The following EDNRB variants were observed in gnomAD, a reference collection of about 807,000 sequenced individuals.
EDNRB encodes Hirschsprung disease 2.
A neutral mutation model predicts 46.4 loss-of-function variants in EDNRB; 18 were observed. That is an observed-to-expected ratio of 0.39 (90% CI 0.27 to 0.57). EDNRB has a LOEUF of 0.57. EDNRB is among the 20% of genes least tolerant of loss of function. EDNRB has a pLI of 0.61. For missense variants in EDNRB, 434 were observed against 537.5 expected (o/e 0.81, Z 1.90); for synonymous variants, 213 against 204.9 (o/e 1.04, Z -0.34).
At chr13:77,901,456 A>C (rs900616869) in intron 3 of EDNRB, among the ~76,000 whole-genome samples, 1 of 152,036 alleles carries the variant, frequency 6.6e-6, no homozygotes, top group Non-Finnish European at 1.5e-5. Context: ...ACAAAAACTT[A>C]AGTAGTTAGG....
chr13:77,966,519 A>T (rs1881586898), intron 1 of EDNRB, among the ~76,000 whole-genome samples: 2 of 152,224 alleles, frequency 1.3e-5, no homozygotes, highest in South Asian at 4.1e-4. Context: ...CTTTAATGAC[A>T]AAACATGCTT....
chr13:77,963,386 T>C (rs1417924001), intron 1 of EDNRB, among the ~76,000 whole-genome samples: 1 of 152,200 alleles, frequency 6.6e-6, no homozygotes, highest in African/African-American at 2.4e-5. Flanking sequence ...AAGGCTACAG[T>C]AACCAAAACA....
intron 1 of EDNRB, among the ~76,000 whole-genome samples, chr13:77,946,755 A>G (rs1176531488): frequency 6.6e-6 from 1 of 152,230 alleles, no homozygotes; most frequent in Admixed American, 6.5e-5. Context: ...TGTGGAAGAC[A>G]AGGGAAATAC....
intron 1 of EDNRB, among the ~76,000 whole-genome samples, chr13:77,953,554 A>G (rs139042139): frequency 4.6e-5 from 7 of 152,274 alleles, no homozygotes; most frequent in East Asian, 1.9e-4. Flanking sequence ...GCTTTCTACT[A>G]TCTGTTGGGT....
chr13:77,935,573 A>T lies in EDNRB; in HGVS notation c.-51-16949T>A, dbSNP rs960019847. Among the ~76,000 whole-genome samples the T allele has an allele frequency of 2.0e-5, 3 of 152,192 alleles. No homozygotes were observed. The South Asian group carries it at 6.2e-4, about 32-fold the overall frequency. On this transcript the variant is annotated intron_variant, in intron 1 of 7. Coordinates refer to the EDNRB transcript ENST00000646948. ...TGTAGAAGGTGTTGGGGTTTGAGAG[A>T]TCAGTCAGACACAATAGGCAGGGAG... is the stretch of plus-strand genomic sequence containing the variant.
chr13:77,943,513 T>C (rs1594388739), intron 1 of EDNRB, among the ~76,000 whole-genome samples: 1 of 152,142 alleles, frequency 6.6e-6, no homozygotes, highest in Admixed American at 6.5e-5. Flanking sequence ...TAAGTACTAC[T>C]GCTTCTGATT....
intron 1 of EDNRB, among the ~76,000 whole-genome samples, chr13:77,929,709 G>A (rs1880335679): frequency 6.6e-6 from 1 of 152,162 alleles, no homozygotes; most frequent in South Asian, 2.1e-4. Context: ...CCTTTTGCAA[G>A]GAAAGGAGTC....
chr13:77,946,230 G>A (rs1199826853), intron 1 of EDNRB, among the ~76,000 whole-genome samples: 1 of 152,158 alleles, frequency 6.6e-6, no homozygotes, highest in Non-Finnish European at 1.5e-5. Flanking sequence ...CCTAGGATAA[G>A]CTACACCTAT....
At position 77,896,337 on chromosome 13, in the gene EDNRB, T is replaced by A. The variant is rs200985166; in HGVS notation, c.*1863A>T. On this transcript the variant is annotated 3_prime_UTR_variant, in exon 7 of 7. Coordinates refer to ENST00000646607, the MANE Select transcript of EDNRB (RefSeq NM_001122659.3). ...TTCAAAATTAATTTAAAATTGAGAGTCTAAAATGACTTCTATGATAACAGG... is the reference window on the plus strand; with the variant it reads ...TTCAAAATTAATTTAAAATTGAGAGACTAAAATGACTTCTATGATAACAGG... 1 of 1,174,120 alleles carries A rather than the reference T, an allele frequency of 8.5e-7. No individual in the cohort carries two copies. Among genetic ancestry groups the A allele is most frequent in the Non-Finnish European group, 1.1e-6 (1 of 876,794 alleles). The allele number at this position is 1,174,120 out of a possible 1,614,324, so 72.7% of individuals were successfully genotyped here. A position where few individuals can be genotyped will look rare whatever the true frequency, so the allele number is the denominator to read the frequency against.
intron 1 of EDNRB, among the ~76,000 whole-genome samples, chr13:77,934,967 G>A (rs986682894): frequency 4.7e-5 from 7 of 148,208 alleles, no homozygotes; most frequent in Non-Finnish European, 1.0e-4. Flanking sequence ...CAGTCATGGG[G>A]GTCAGGTGTG....
upstream of EDNRB, among the ~76,000 whole-genome samples, chr13:77,923,877 T>TC (rs1880158916): frequency 6.6e-6 from 1 of 152,122 alleles, no homozygotes; most frequent in Non-Finnish European, 1.5e-5. Flanking sequence ...AGGCTTTTTT[T>TC]CTTCTTCTTT....
At chr13:77,940,585 T>C (rs1281069871) in intron 1 of EDNRB, among the ~76,000 whole-genome samples, 2 of 152,126 alleles carry the variant, frequency 1.3e-5, no homozygotes, top group Admixed American at 6.5e-5. Context: ...TACACCAACT[T>C]AAGATGACTG....
intron 1 of EDNRB, among the ~76,000 whole-genome samples, chr13:77,925,638 T>C (rs1880214747): frequency 6.6e-6 from 1 of 152,216 alleles, no homozygotes. Context: ...AACGCCTGGA[T>C]GCCCAGGCAA....
At chr13:77,960,407 T>C (rs1005456193) in intron 1 of EDNRB, among the ~76,000 whole-genome samples, 1 of 152,110 alleles carries the variant, frequency 6.6e-6, no homozygotes, top group Non-Finnish European at 1.5e-5. Flanking sequence ...AAAAGAATTT[T>C]CAACCCCAGA....
intron 1 of EDNRB, among the ~76,000 whole-genome samples, chr13:77,967,412 AAG>A (rs375276779): frequency 2.0e-5 from 3 of 152,300 alleles, no homozygotes; most frequent in African/African-American, 7.2e-5. Context: ...GAATTTCCCG[AAG>A]AAGTATTTGT....
Position 77,898,162 on chromosome 13 carries a change from A to G in EDNRB, c.*38T>C. On this transcript the variant is annotated 3_prime_UTR_variant, in exon 7 of 7. Transcript: ENST00000646607. Reference sequence around the variant, plus strand: ...CATTTTGTTTTAATGACTTCGGTCCAATATAAAGAAAATGAAATACAGTGA... The same window carrying G: ...CATTTTGTTTTAATGACTTCGGTCCGATATAAAGAAAATGAAATACAGTGA... The G allele has an allele frequency of 1.2e-6, 2 of 1,605,710 alleles. No homozygotes were observed. The highest frequency in any genetic ancestry group is 1.7e-6 in the Non-Finnish European group (2 of 1,175,596).
At chr13:77,961,867 A>G (rs1379026471) in intron 1 of EDNRB, among the ~76,000 whole-genome samples, 1 of 152,186 alleles carries the variant, frequency 6.6e-6, no homozygotes, top group Admixed American at 6.5e-5. Context: ...GGTCAACAAA[A>G]TTGAAAGACT....
intron 1 of EDNRB, among the ~76,000 whole-genome samples, chr13:77,954,938 G>T (rs1209392997): frequency 6.6e-6 from 1 of 152,104 alleles, no homozygotes; most frequent in African/African-American, 2.4e-5. Context: ...TAAAAATGTA[G>T]CTATCTGCCT....
At chr13:77,913,537 T>C (rs1444466682) in intron 1 of EDNRB, among the ~76,000 whole-genome samples, 1 of 152,174 alleles carries the variant, frequency 6.6e-6, no homozygotes, top group African/African-American at 2.4e-5. Flanking sequence ...TCTTTACACA[T>C]AAAGGAAGCT....
Sources: gnomAD v4.1 joint callset for allele counts (sites outside exome capture counted in the v4.1 genomes callset) on GRCh38, gnomAD v4.1.1 for gene constraint, MANE v1.5 for transcripts, NCBI Gene and HGNC (gene_info 2026-07-23, HGNC 2026-07-21) for gene names.